Variants in ENOX1 observed in about 807,000 individuals in gnomAD.
ENOX1 encodes ecto-NOX disulfide-thiol exchanger 1.
ENOX1 carries 42 observed loss-of-function variants against 82.5 expected under a neutral mutation model. The ratio of observed to expected loss-of-function variants is 0.51; its 90% CI spans 0.40 to 0.66. ENOX1 has a LOEUF of 0.66. ENOX1 is among the 30% of genes least tolerant of loss of function. The pLI is 0.00. For synonymous variants in ENOX1, 271 were observed against 282.2 expected (o/e 0.96, Z 0.40); for missense variants, 608 against 811.6 (o/e 0.75, Z 3.05).
intron 2 of ENOX1, among the ~76,000 whole-genome samples, chr13:43,569,370 G>C (rs1166726154): frequency 6.6e-6 from 1 of 152,178 alleles, no homozygotes; most frequent in Non-Finnish European, 1.5e-5. Context: ...GGTAAGTAGA[G>C]ATAGATAGAT....
intron 11 of ENOX1, among the ~76,000 whole-genome samples, chr13:43,315,951 G>A (rs1886326): frequency 6.6e-6 from 1 of 152,028 alleles, no homozygotes; most frequent in Admixed American, 6.5e-5. Context: ...GGCACTTTGG[G>A]CTGCACACAG....
At chr13:43,349,878 C>T (rs1179143489) in intron 8 of ENOX1, among the ~76,000 whole-genome samples, 1 of 81,274 alleles carries the variant, frequency 1.2e-5, no homozygotes, top group Non-Finnish European at 3.5e-5. Context: ...TCCCTGTCCC[C>T]ACGACCAATT....
At chr13:43,231,984 G>A (rs1198606054) in intron 15 of ENOX1, among the ~76,000 whole-genome samples, 2 of 152,044 alleles carry the variant, frequency 1.3e-5, no homozygotes, top group African/African-American at 4.8e-5. Context: ...TTGTGCAGTG[G>A]TGCTGCTCAC....
intron 14 of ENOX1, among the ~76,000 whole-genome samples, chr13:43,245,871 A>G (rs7338937): frequency 0.97 from 147,862 of 152,312 alleles, 71,927 homozygotes; most frequent in East Asian, 1. Context: ...GCCGGATCGG[A>G]AGCACATACA....
intron 2 of ENOX1, among the ~76,000 whole-genome samples, chr13:43,568,752 A>G (rs1424589861): frequency 6.8e-6 from 1 of 147,748 alleles, no homozygotes; most frequent in East Asian, 2.0e-4. Context: ...ATTTGGGTCT[A>G]TTAGTATAAT....
intron 2 of ENOX1, among the ~76,000 whole-genome samples, chr13:43,556,616 C>G (rs1027793106): frequency 6.6e-6 from 1 of 151,888 alleles, no homozygotes; most frequent in Admixed American, 6.6e-5. Context: ...AACATTCATT[C>G]ATGATTAATT....
At chr13:43,688,435 T>C (rs1001405857) in intron 1 of ENOX1, among the ~76,000 whole-genome samples, 4 of 151,988 alleles carry the variant, frequency 2.6e-5, no homozygotes, top group African/African-American at 4.8e-5. Context: ...AGATGAGAGG[T>C]TGGCAAAATT....
At chr13:43,515,063 C>A (rs2077508579) in intron 2 of ENOX1, among the ~76,000 whole-genome samples, 1 of 152,118 alleles carries the variant, frequency 6.6e-6, no homozygotes. Flanking sequence ...ACAATATTAA[C>A]CCCACAGAAA....
intron 11 of ENOX1, among the ~76,000 whole-genome samples, chr13:43,306,063 A>G (rs1439656376): frequency 6.6e-6 from 1 of 152,188 alleles, no homozygotes; most frequent in African/African-American, 2.4e-5. Context: ...CCATCCTCAC[A>G]CTGTGTAGTG....
At chr13:43,300,752 G>C (rs1429332418) in intron 11 of ENOX1, among the ~76,000 whole-genome samples, 1 of 152,198 alleles carries the variant, frequency 6.6e-6, no homozygotes, top group Admixed American at 6.5e-5. Context: ...TGGGATTTAG[G>C]AACATTAGTT....
chr13:43,681,583 C>A (rs543567803), intron 1 of ENOX1, among the ~76,000 whole-genome samples: 1 of 150,794 alleles, frequency 6.6e-6, no homozygotes, highest in East Asian at 1.9e-4. Context: ...GCTTGCTAAG[C>A]CTGAAATTAG....
intron 2 of ENOX1, among the ~76,000 whole-genome samples, chr13:43,541,694 C>A (rs1038837832): frequency 2.6e-5 from 4 of 152,114 alleles, no homozygotes; most frequent in African/African-American, 9.7e-5. Context: ...GCAGTCCTTG[C>A]AAAACACAAT....
chr13:43,351,784 C>T (rs1217130096), intron 8 of ENOX1, among the ~76,000 whole-genome samples: 2 of 151,308 alleles, frequency 1.3e-5, no homozygotes, highest in Admixed American at 6.6e-5. Flanking sequence ...GCATAGTATT[C>T]CATGGTGTAT....
chr13:43,560,810 C>T (rs576718593), intron 2 of ENOX1, among the ~76,000 whole-genome samples: 100 of 152,230 alleles, frequency 6.6e-4, no homozygotes, highest in African/African-American at 2.4e-3. Context: ...TCATGCTTAT[C>T]TTAGGTAACA....
chr13:43,609,668 G>A (rs1461265288), intron 2 of ENOX1, among the ~76,000 whole-genome samples: 3 of 152,110 alleles, frequency 2.0e-5, no homozygotes, highest in Non-Finnish European at 4.4e-5. Flanking sequence ...TTGGAAAAAT[G>A]TTCTTTTGTT....
At chr13:43,583,594 C>T (rs1158765739) in intron 2 of ENOX1, among the ~76,000 whole-genome samples, 1 of 152,164 alleles carries the variant, frequency 6.6e-6, no homozygotes, top group Non-Finnish European at 1.5e-5. Context: ...ATCCTATCTA[C>T]CCATAAAACC....
intron 1 of ENOX1, among the ~76,000 whole-genome samples, chr13:43,719,879 C>T (rs2088447953): frequency 6.6e-6 from 1 of 152,058 alleles, no homozygotes; most frequent in African/African-American, 2.4e-5. Context: ...GGTATCAGAC[C>T]TCATATCCTA....
At chr13:43,592,064 G>A (rs2081271161) in intron 2 of ENOX1, among the ~76,000 whole-genome samples, 1 of 152,100 alleles carries the variant, frequency 6.6e-6, no homozygotes, top group East Asian at 1.9e-4. Context: ...TACCCCTAAT[G>A]ATCACAATGC....
intron 16 of ENOX1, among the ~76,000 whole-genome samples, chr13:43,220,571 A>C (rs966592852): frequency 1.3e-5 from 2 of 152,178 alleles, no homozygotes; most frequent in Admixed American, 6.5e-5. Context: ...TCCCTAAGAC[A>C]GTGCTGGGTA....
Sources: allele counts gnomAD v4.1 joint callset (sites outside exome capture counted in the v4.1 genomes callset), GRCh38; gene constraint gnomAD v4.1.1; transcripts MANE v1.5; gene names NCBI Gene and HGNC (gene_info 2026-07-23, HGNC 2026-07-21).